ATM: variants seen among roughly 807,000 people sequenced by gnomAD.
The protein encoded by ATM is ATM serine/threonine kinase.
In ATM, 308 loss-of-function variants were observed where a neutral mutation model predicts 387.0. The ratio of observed to expected loss-of-function variants is 0.80; its 90% confidence interval spans 0.73 to 0.87. The LOEUF is 0.87. ATM is among the 40% of genes least tolerant of loss of function. The pLI is 0.00. For synonymous variants in ATM, 1,156 were observed against 1,187.3 expected, an observed-to-expected ratio of 0.97 and a Z score of 0.54; for missense variants, 3,312 against 3,560.9, an observed-to-expected ratio of 0.93 and a Z score of 1.78.
At position 108,297,298 on chromosome 11, in the gene ATM, G is replaced by C. The variant is rs587782896; in HGVS notation, c.4921G>C (p.Asp1641His). Residue 1641 changes from aspartate to histidine, a missense_variant, in exon 33 of 63, where the codon GAT becomes CAT. This residue lies in a region of ATM where 1,405 missense variants were observed against 1,604.4 expected (regional missense o/e 0.88). Transcript: ENST00000675843. ...AAAATTATTTCTAGATAATCCGCAA[G>C]ATGGGATTATGGTGAAACTAGTTGT... Reference protein sequence around the residue: ...IMRASQDNPQDGIMVKLVVNL... With the variant: ...IMRASQDNPQHGIMVKLVVNL... 15 of 1,613,598 alleles carry C rather than the reference G, an allele frequency of 9.3e-6. No individual in the cohort carries two copies. The highest frequency in any genetic ancestry group is 1.2e-5 in the Non-Finnish European group (14 of 1,179,740).
In ATM at chr11:108,279,619, G is replaced by GTAACA; in HGVS notation, c.3402+13_3402+17dup. ...GGAATGAGAGAAATGGTAATTTTAA[G>GTAACA]TAACATGTATTTGCTGTTATCATAT... On this transcript the variant is annotated intron_variant, in intron 23 of 62. Transcript: ENST00000675843. 6.3e-7 allele frequency: 1 copy of GTAACA among 1,577,216 alleles called. No individual in the cohort carries two copies. The highest frequency in any genetic ancestry group is 8.7e-7 in the Non-Finnish European group (1 of 1,147,038).
rs767507047 is a variant in ATM, at chr11:108,365,092, A to G, written c.8861A>G (p.Tyr2954Cys). The G allele has an allele frequency of 3.1e-6, 5 of 1,613,972 alleles. No homozygotes were observed. Among genetic ancestry groups the G allele is most frequent in the Non-Finnish European group, 3.4e-6 (4 of 1,179,982 alleles). Reference protein sequence around the residue: ...TLLTIVEVLLYDPLFDWTMNP... With the variant: ...TLLTIVEVLLCDPLFDWTMNP... Reference sequence around the variant, plus strand: ...GTTCTCTCTGTTTAGGTCCTTCTATATGATCCACTCTTTGACTGGACCATG... The same window carrying G: ...GTTCTCTCTGTTTAGGTCCTTCTATGTGATCCACTCTTTGACTGGACCATG... Residue 2954 changes from tyrosine to cysteine, a missense_variant, in exon 62 of 63, where the codon TAT becomes TGT. By Grantham distance (194) the Tyr-to-Cys change is radical (BLOSUM62 -2). Around this residue, in one of 4 missense-constraint regions of ATM, gnomAD observed 21 missense variants for 51.6 expected, o/e 0.41. Transcript: ENST00000675843.
chr11:108,291,803 G>A (rs2082811544), intron 29 of ATM, among the ~76,000 whole-genome samples: 1 of 152,174 alleles, frequency 6.6e-6, no homozygotes, highest in South Asian at 2.1e-4. Flanking sequence ...TGCTTGCATT[G>A]CTTGGGATCA....
Position 108,297,349 on chromosome 11 carries a change from G to A in ATM, c.4972G>A (p.Ala1658Thr), listed in dbSNP as rs372679141. The A allele has an allele frequency of 6.2e-7, 1 of 1,613,846 alleles. No individual in the cohort carries two copies. Among genetic ancestry groups the A allele is most frequent in the African/African-American group, 1.3e-5 (1 of 74,910 alleles). Residue 1658 changes from alanine (A) to threonine (T), a missense_variant, in exon 33 of 63, where the codon GCA (alanine) becomes ACA (threonine). This residue lies in a region of ATM where 1,405 missense variants were observed against 1,604.4 expected (regional missense o/e 0.88). Coordinates refer to ENST00000675843, the MANE Select transcript of ATM (RefSeq NM_000051.4). Reference protein sequence around the residue: ...VVNLLQLSKMAINHTGEKEVL... With the variant: ...VVNLLQLSKMTINHTGEKEVL... ...CAATTTGTTGCAGTTATCCAAGATG[G>A]CAATAAACCACACTGGTGAAAAAGA...
At chr11:108,360,672 A>G (rs2090618827) in intron 61 of ATM, among the ~76,000 whole-genome samples, 4 of 148,996 alleles carry the variant, frequency 2.7e-5, no homozygotes, top group Middle Eastern at 3.4e-3. Flanking sequence ...AATCCAGCAT[A>G]TAAACAGAAC....
intron 27 of ATM, among the ~76,000 whole-genome samples, chr11:108,288,058 CT>C (rs1243015019): frequency 1.3e-5 from 2 of 151,668 alleles, no homozygotes; most frequent in Non-Finnish European, 2.9e-5. Flanking sequence ...TAGGTCTTGC[CT>C]TTCTAGATCA....
intron 61 of ATM, among the ~76,000 whole-genome samples, chr11:108,359,132 C>G (rs1299495591): frequency 5.3e-5 from 8 of 149,938 alleles, no homozygotes; most frequent in African/African-American, 2.0e-4. Context: ...CAAAAAAAGG[C>G]AGGGGTTGCA....
Position 108,283,923 on chromosome 11 carries a change from G to A in ATM, c.3747-304G>A, listed in dbSNP as rs4987991. ...GCAGAAGAAATAAATATAAATTCAA[G>A]TCTCCATTTTTATTTGTTTATTGTT... On this transcript the variant is annotated intron_variant, in intron 25 of 62. Transcript: ENST00000675843. Among the ~76,000 whole-genome samples the A allele has an allele frequency of 0.022, 3,369 of 152,192 alleles. 125 individuals are homozygous for A. The highest frequency in any genetic ancestry group is 0.076 in the African/African-American group (3,163 of 41,522).
At chr11:108,235,454 G>A (rs559137678) in intron 4 of ATM, among the ~76,000 whole-genome samples, 15 of 152,188 alleles carry the variant, frequency 9.9e-5, no homozygotes, top group African/African-American at 3.4e-4. Context: ...TAAACAATAA[G>A]TAAATGAATG....
chr11:108,260,842 CAG>C (rs1312191905), intron 16 of ATM, among the ~76,000 whole-genome samples: 6 of 152,150 alleles, frequency 3.9e-5, no homozygotes, highest in Non-Finnish European at 7.3e-5. Flanking sequence ...TGCAAGGGGT[CAG>C]GGAGTTCCCT....
intron 31 of ATM, among the ~76,000 whole-genome samples, chr11:108,293,796 T>C (rs1248738617): frequency 2.0e-5 from 3 of 149,490 alleles, no homozygotes; most frequent in Non-Finnish European, 4.4e-5. Context: ...AAGGATCACC[T>C]GAGCCCTGGA....
intron 5 of ATM, among the ~76,000 whole-genome samples, chr11:108,237,758 C>T (rs1039436151): frequency 6.6e-6 from 1 of 152,152 alleles, no homozygotes; most frequent in Non-Finnish European, 1.5e-5. Flanking sequence ...TTGGAATCAG[C>T]TTACTGATTT....
intron 22 of ATM, among the ~76,000 whole-genome samples, chr11:108,276,786 A>G (rs1312185547): frequency 6.6e-6 from 1 of 152,076 alleles, no homozygotes; most frequent in Non-Finnish European, 1.5e-5. Context: ...GCTCTTCTGT[A>G]TGAGGTGTCT....
In ATM at chr11:108,367,844, T is replaced by A. The variant is rs2091414719; in HGVS notation, c.*2336T>A. On this transcript the variant is annotated 3_prime_UTR_variant, in exon 63 of 63. Transcript: ENST00000675843. ...AACTTACCTTGGTGTATCTTTTTCT[T>A]ACAAGCTGCCTAAATGAATATTTGG... The A allele has an allele frequency of 4.8e-6, 1 of 207,568 alleles. No individual in the cohort carries two copies. Among genetic ancestry groups the A allele is most frequent in the Non-Finnish European group, 9.8e-6 (1 of 101,694 alleles). 12.9% of individuals were successfully genotyped at this position (207,568 alleles called of 1,614,324 possible).
At position 108,249,105 on chromosome 11, in the gene ATM, A is replaced by G. The variant is rs1417190414; in HGVS notation, c.1235+3A>G. The G allele has an allele frequency of 2.5e-6, 4 of 1,613,724 alleles. No homozygotes were observed. The highest frequency in any genetic ancestry group is 2.5e-6 in the Non-Finnish European group (3 of 1,179,902). On this transcript the variant is annotated splice_donor_region_variant and intron_variant, in intron 9 of 62. Coordinates refer to ENST00000675843, the MANE Select transcript of ATM (RefSeq NM_000051.4). The stretch of plus-strand genomic sequence containing the variant: ...AATGATTTTGATCTTGTGCCTTGGT[A>G]AAGTGTTACCATTTTCTCATTCAGT...
At position 108,362,493 on chromosome 11, in the gene ATM, T is replaced by G. The variant is rs1170253284; in HGVS notation, c.8851-2589T>G. ...TAAATCATGCTGCTATAAAGACACA[T>G]GCACACGTATGTTTATTGCGGCATT... On this transcript the variant is annotated intron_variant, in intron 61 of 62. Coordinates refer to ENST00000675843, the MANE Select transcript of ATM (RefSeq NM_000051.4). Among the ~76,000 whole-genome samples the G allele has an allele frequency of 1.8e-3, 273 of 149,864 alleles. 2 individuals carry two copies. The highest frequency in any genetic ancestry group is 6.4e-3 in the African/African-American group (263 of 41,190).
intron 25 of ATM, among the ~76,000 whole-genome samples, chr11:108,283,101 G>C (rs1305088492): frequency 6.6e-6 from 1 of 152,126 alleles, no homozygotes; most frequent in Non-Finnish European, 1.5e-5. Context: ...CCAGCTATCT[G>C]ACTTTGGTCA....
chr11:108,340,946 GGTGA>G (rs1565553759), intron 56 of ATM, among the ~76,000 whole-genome samples: 1 of 151,876 alleles, frequency 6.6e-6, no homozygotes, highest in African/African-American at 2.4e-5. Flanking sequence ...AGGTTTTTTT[GGTGA>G]ATATTTTTGA....
At chr11:108,336,258 C>T in intron 56 of ATM, 1 of 336,650 alleles carries the variant, frequency 3.0e-6, no homozygotes, top group South Asian at 2.9e-5. Flanking sequence ...TGAGCTCAAA[C>T]TCTGCAGTGA....
Sources: allele counts gnomAD v4.1 joint callset (sites outside exome capture counted in the v4.1 genomes callset), GRCh38; gene constraint gnomAD v4.1.1; regional missense constraint gnomAD v4.1.1; transcripts MANE v1.5; gene names NCBI Gene and HGNC (gene_info 2026-07-23, HGNC 2026-07-21).